KHDRBS2: variants seen among roughly 807,000 people sequenced by gnomAD.
The protein encoded by KHDRBS2 is KH domain-containing, RNA-binding, signal transduction-associated protein 2.
Under a neutral mutation model 44.3 loss-of-function variants are expected in KHDRBS2, and 26 were observed. The observed-to-expected ratio is 0.59, with a 90% CI of 0.43 to 0.81. KHDRBS2 has a LOEUF of 0.81. Ranked by LOEUF, KHDRBS2 falls within the 40% of genes least tolerant of loss-of-function variation. The pLI, the probability that KHDRBS2 is intolerant of heterozygous loss-of-function variation, is 0.00. For missense variants in KHDRBS2, 476 were observed against 433.1 expected (o/e 1.10, Z -0.88); for synonymous variants, 194 against 151.1 (o/e 1.28, Z -2.08).
chr6:62,076,074 T>G (rs1263057866), intron 2 of KHDRBS2, among the ~76,000 whole-genome samples: 20 of 151,978 alleles, frequency 1.3e-4, no homozygotes, highest in African/African-American at 4.6e-4. Flanking sequence ...TATTGCTTAT[T>G]AAGCAAATTA....
chr6:61,637,144 T>C, the KHDRBS2 span, among the ~76,000 whole-genome samples: 2 of 152,104 alleles, frequency 1.3e-5, no homozygotes, highest in Admixed American at 1.3e-4. Context: ...TAACTCGTCA[T>C]CTAGCATTAA....
intron 2 of KHDRBS2, among the ~76,000 whole-genome samples, chr6:62,107,754 C>A (rs1239397126): frequency 6.6e-6 from 1 of 152,084 alleles, no homozygotes; most frequent in Non-Finnish European, 1.5e-5. Context: ...AGATATAAAT[C>A]AAGGGAACAG....
chr6:61,978,376 C>T (rs1377265833), intron 3 of KHDRBS2, among the ~76,000 whole-genome samples, 164 bp from the exon 4 acceptor site: 1 of 151,938 alleles, frequency 6.6e-6, no homozygotes, highest in East Asian at 1.9e-4. Context: ...TGCTACAAGC[C>T]ATTTAAAGAT....
chr6:62,200,962 A>T (rs2150138197), intron 1 of KHDRBS2, among the ~76,000 whole-genome samples: 2 of 152,296 alleles, frequency 1.3e-5, no homozygotes, highest in Middle Eastern at 6.8e-3. Context: ...GGAAACCATC[A>T]TTCTCAGCAA....
intron 1 of KHDRBS2, among the ~76,000 whole-genome samples, chr6:62,258,771 T>C (rs983671095): frequency 1.3e-5 from 2 of 152,014 alleles, no homozygotes; most frequent in Non-Finnish European, 2.9e-5. Flanking sequence ...AAAACTCTTC[T>C]ATATTTTAGA....
intron 6 of KHDRBS2, among the ~76,000 whole-genome samples, chr6:61,837,543 T>G (rs1281101788): frequency 6.6e-6 from 1 of 152,032 alleles, no homozygotes; most frequent in Non-Finnish European, 1.5e-5. Flanking sequence ...AATGCTGCCT[T>G]ACTTTCCCTT....
intron 1 of KHDRBS2, among the ~76,000 whole-genome samples, chr6:62,179,468 A>C (rs1016204767): frequency 6.6e-6 from 1 of 151,698 alleles, no homozygotes; most frequent in Non-Finnish European, 1.5e-5. Flanking sequence ...TACAACCACA[A>C]TTATGATAAT....
chr6:61,772,370 T>G (rs1298246992), intron 6 of KHDRBS2, among the ~76,000 whole-genome samples: 1 of 152,098 alleles, frequency 6.6e-6, no homozygotes, highest in Non-Finnish European at 1.5e-5. Context: ...AAAAAATTAA[T>G]GAATCCAGGA....
chr6:61,911,873 C>T (rs1054264820), intron 4 of KHDRBS2, among the ~76,000 whole-genome samples: 3 of 151,634 alleles, frequency 2.0e-5, no homozygotes, highest in African/African-American at 7.3e-5. Context: ...CCAGCTCCCC[C>T]CAAATTCAAT....
chr6:61,543,252 A>G, the KHDRBS2 span, among the ~76,000 whole-genome samples: 3 of 152,038 alleles, frequency 2.0e-5, no homozygotes, highest in Admixed American at 2.0e-4. Context: ...GATCTCAAAA[A>G]AACTCTACAG....
chr6:62,125,976 G>C (rs192824693), intron 2 of KHDRBS2, among the ~76,000 whole-genome samples: 2 of 152,258 alleles, frequency 1.3e-5, no homozygotes, highest in Admixed American at 6.5e-5. Flanking sequence ...AAGAGTAAAG[G>C]AGACTTTGTC....
chr6:62,087,033 A>T (rs1382450425), intron 2 of KHDRBS2, among the ~76,000 whole-genome samples: 3 of 152,166 alleles, frequency 2.0e-5, no homozygotes, highest in Non-Finnish European at 4.4e-5. Context: ...AACTCAATAC[A>T]AAAACAACAA....
the KHDRBS2 span, among the ~76,000 whole-genome samples, chr6:61,593,707 A>T: frequency 1.3e-5 from 2 of 152,120 alleles, no homozygotes; most frequent in South Asian, 4.1e-4. Context: ...ACTTTGGAAA[A>T]CTTCTAAAGG....
Position 62,284,328 on chromosome 6 carries a change from G to T in KHDRBS2, c.91+1530C>A, listed in dbSNP as rs191831709. Among the ~76,000 whole-genome samples the T allele has an allele frequency of 2.0e-3, 310 of 152,006 alleles. 1 individual carries two copies. Among genetic ancestry groups the T allele is most frequent in the Middle Eastern group, 3.4e-3 (1 of 294 alleles). On this transcript the variant is annotated intron_variant, in intron 1 of 8. Coordinates refer to ENST00000281156, the MANE Select transcript of KHDRBS2 (RefSeq NM_152688.4). ...TTTGTAACTTTTTTTTCACTTTAAA[G>T]ACATATTATAAGCTACATAAAGAAA...
chr6:61,660,577 C>T, the KHDRBS2 span, among the ~76,000 whole-genome samples: 1 of 151,826 alleles, frequency 6.6e-6, no homozygotes, highest in East Asian at 2.0e-4. Flanking sequence ...ATGTATCTTC[C>T]AAATCATCTG....
chr6:62,076,851 C>A (rs1246459285), intron 2 of KHDRBS2, among the ~76,000 whole-genome samples: 2 of 151,960 alleles, frequency 1.3e-5, no homozygotes, highest in African/African-American at 4.8e-5. Flanking sequence ...TTGAGACCAG[C>A]TTGTGCAACA....
the KHDRBS2 span, among the ~76,000 whole-genome samples, chr6:61,620,443 A>C: frequency 6.6e-6 from 1 of 152,190 alleles, no homozygotes; most frequent in African/African-American, 2.4e-5. Flanking sequence ...TGTTTTATTG[A>C]AGAGTCAGCA....
At chr6:61,918,174 A>G (rs989912933) in intron 4 of KHDRBS2, among the ~76,000 whole-genome samples, 7 of 151,986 alleles carry the variant, frequency 4.6e-5, no homozygotes, top group African/African-American at 1.7e-4. Flanking sequence ...TGCATTTCTC[A>G]TCTTTATACC....
chr6:61,704,633 T>C (rs73472984), intron 7 of KHDRBS2, among the ~76,000 whole-genome samples: 1,630 of 151,960 alleles, frequency 0.011, 27 homozygotes, highest in African/African-American at 0.038. Flanking sequence ...TTAGGAGCCA[T>C]TGAAGACAAT....
Sources: gnomAD v4.1 joint callset for allele counts (sites outside exome capture counted in the v4.1 genomes callset) on GRCh38, gnomAD v4.1.1 for gene constraint, MANE v1.5 for transcripts, NCBI Gene and HGNC (gene_info 2026-07-23, HGNC 2026-07-21) for gene names.